The following NTMT1 variants were observed in gnomAD, a reference collection of about 807,000 sequenced individuals.
NTMT1 encodes N-terminal Xaa-Pro-Lys N-methyltransferase 1, also known as N-terminal RCC1 methyltransferase.
Under a neutral mutation model 17.5 loss-of-function variants are expected in NTMT1, and 8 were observed. The ratio of observed to expected loss-of-function variants is 0.46; its 90% CI spans 0.27 to 0.82. The LOEUF is 0.82. Among genes scored for constraint, NTMT1 ranks in the 40% least tolerant of loss-of-function variants. NTMT1 has a pLI of 0.15. For synonymous variants in NTMT1, 128 were observed against 126.8 expected, an observed-to-expected ratio of 1.01 and a Z score of -0.06; for missense variants, 221 against 303.5, an observed-to-expected ratio of 0.73 and a Z score of 2.02.
chr9:129,628,628 T>A (rs917975274), intron 1 of NTMT1: 2 of 152,228 alleles, frequency 1.3e-5, no homozygotes, highest in Non-Finnish European at 2.9e-5. Flanking sequence ...CCACCTGGTA[T>A]CAGGCACTGG....
At chr9:129,617,537 T>C (rs1394289086) in intron 1 of NTMT1, among the ~76,000 whole-genome samples, 1 of 152,252 alleles carries the variant, frequency 6.6e-6, no homozygotes, top group Non-Finnish European at 1.5e-5. Context: ...TGTGAAAGTC[T>C]GTAACTGTGT....
rs746856775 is a variant in NTMT1 at position 129,613,540 on chromosome 9, A to G, written c.-55+4362A>G. ...CAGCCGTTTTCCGACACTCCCAAAC[A>G]CCCGCTCGGACGCCACTGGCAGGGC... On this transcript the variant is annotated intron_variant, in intron 1 of 3. Coordinates refer to the NTMT1 transcript ENST00000372486. The surrounding 1 kb of genome is among the most constrained non-coding windows in gnomAD (Gnocchi z 6.2). 6 of 1,613,674 alleles carry G rather than the reference A, an allele frequency of 3.7e-6. No homozygotes were observed. The Admixed American group carries it at 1.0e-4, about 27-fold the overall frequency.
At chr9:129,624,411 A>C (rs1201572168), upstream of NTMT1, among the ~76,000 whole-genome samples, 1 of 152,194 alleles carries the variant, frequency 6.6e-6, no homozygotes, top group Non-Finnish European at 1.5e-5. Flanking sequence ...CAGAAAATGA[A>C]GCTTGGGAGA....
intron 1 of NTMT1, chr9:129,615,607 G>T: frequency 6.2e-7 from 1 of 1,601,160 alleles, no homozygotes. Flanking sequence ...TTGTGGGTCA[G>T]CGCAGCCTTG....
intron 1 of NTMT1, chr9:129,619,556 T>C (rs1475320266): frequency 8.1e-6 from 13 of 1,614,086 alleles, no homozygotes; most frequent in Non-Finnish European, 1.1e-5. Context: ...TTGTGAGTGA[T>C]CACCCTTCAG....
At position 129,626,245 on chromosome 9, in the gene NTMT1, CCCTT is replaced by C. The variant is rs1373602261; in HGVS notation, c.-101_-98del. The stretch of plus-strand genomic sequence containing the variant: ...GTGGCGTCTCCGCCGCCGCCGCCCT[CCCTT>C]CCTCTTCCCCATCTTCTTCTCTCGG... On this transcript the variant is annotated 5_prime_UTR_variant, in exon 1 of 4. Coordinates refer to ENST00000372483, the MANE Select transcript of NTMT1 (RefSeq NM_014064.4). 6.6e-6 allele frequency: 1 copy of C among 152,230 alleles called. No homozygotes were observed. The highest frequency in any genetic ancestry group is 1.5e-5 in the Non-Finnish European group (1 of 68,074). The allele number at this position is 152,230 out of a possible 1,614,324, so 9.4% of individuals were successfully genotyped here.
upstream of NTMT1, among the ~76,000 whole-genome samples, chr9:129,625,295 C>T (rs1057304113): frequency 6.6e-6 from 1 of 152,160 alleles, no homozygotes; most frequent in Non-Finnish European, 1.5e-5. Context: ...CAGTGGGAAT[C>T]CCATGGCACT....
At chr9:129,616,614 T>C (rs950652652) in intron 1 of NTMT1, among the ~76,000 whole-genome samples, 2 of 152,030 alleles carry the variant, frequency 1.3e-5, no homozygotes, top group African/African-American at 4.8e-5. Flanking sequence ...ATTCTGCAGG[T>C]TTTTTTCCCT....
At chr9:129,631,219 C>T (rs1414921027) in intron 1 of NTMT1, among the ~76,000 whole-genome samples, 2 of 152,212 alleles carry the variant, frequency 1.3e-5, no homozygotes, top group Admixed American at 6.5e-5. Flanking sequence ...TGAGTGTCCT[C>T]GACACTTTGT....
chr9:129,620,169 G>C lies in NTMT1; in HGVS notation c.-55+10991G>C, dbSNP rs1564339122. 1 of 1,460,828 alleles carries C rather than the reference G, an allele frequency of 6.8e-7. No homozygotes were observed. Among genetic ancestry groups the C allele is most frequent in the African/African-American group, 1.4e-5 (1 of 69,806 alleles). 90.5% of individuals were successfully genotyped at this position (1,460,828 alleles called of 1,614,324 possible). A position where few individuals can be genotyped will look rare whatever the true frequency, so the allele number is the denominator to read the frequency against. On this transcript the variant is annotated intron_variant, in intron 1 of 3. Coordinates refer to the NTMT1 transcript ENST00000372486. The surrounding 1 kb of genome is among the most constrained non-coding windows in gnomAD (Gnocchi z 5.8). ...CCTAGGAAGGCGCCCAAGAAGTCGG[G>C]GTCCTCCCTGGCCACGCGCCTCCGG...
intron 1 of NTMT1, among the ~76,000 whole-genome samples, chr9:129,630,774 C>T (rs1831123118): frequency 6.6e-6 from 1 of 152,266 alleles, no homozygotes; most frequent in African/African-American, 2.4e-5. Flanking sequence ...CGGTGAGCTG[C>T]AGCTCCCAGT....
intron 1 of NTMT1, 68 bp from the exon 2 acceptor site, chr9:129,632,582 G>A (rs1326279551): frequency 6.2e-6 from 7 of 1,135,256 alleles, no homozygotes; most frequent in Admixed American, 2.3e-5. Flanking sequence ...TGTGAGACTG[G>A]CCCTCTGCCC....
At chr9:129,623,489 G>C (rs572496658), upstream of NTMT1, among the ~76,000 whole-genome samples, 1 of 152,326 alleles carries the variant, frequency 6.6e-6, no homozygotes, top group East Asian at 1.9e-4. Flanking sequence ...GGCTGGGAGA[G>C]GGCCGAGAGG....
intron 1 of NTMT1, among the ~76,000 whole-genome samples, chr9:129,618,452 G>A (rs1357403437): frequency 1.3e-5 from 2 of 152,056 alleles, no homozygotes; most frequent in Non-Finnish European, 2.9e-5. Context: ...ACTGATGGGT[G>A]AGTTAATGAA....
Position 129,620,491 on chromosome 9 carries a change from G to C in NTMT1, c.-55+11313G>C. On this transcript the variant is annotated intron_variant, in intron 1 of 3. Coordinates refer to the NTMT1 transcript ENST00000372486. The surrounding 1 kb of genome is among the most constrained non-coding windows in gnomAD (Gnocchi z 5.8). Reference sequence around the variant, plus strand: ...GGGTCAGCTTGGGCAGCCGCGGGTCGCTGCTGCGTCGGAAGTCTCCGTCGC... The same window carrying C: ...GGGTCAGCTTGGGCAGCCGCGGGTCCCTGCTGCGTCGGAAGTCTCCGTCGC... 2 of 1,403,638 alleles carry C rather than the reference G, an allele frequency of 1.4e-6. No homozygotes were observed. 86.9% of individuals were successfully genotyped at this position (1,403,638 alleles called of 1,614,324 possible). A position where few individuals can be genotyped will look rare whatever the true frequency, so the allele number is the denominator to read the frequency against.
In NTMT1 at chr9:129,613,374, C is replaced by A; in HGVS notation, c.-55+4196C>A. The stretch of plus-strand genomic sequence containing the variant: ...GCTGCTGGGTGGGGAGGTCTGTAGG[C>A]AAGGGGGGTGGAGGGCCCTGGCAAT... On this transcript the variant is annotated intron_variant, in intron 1 of 3. Coordinates refer to the NTMT1 transcript ENST00000372486. The surrounding 1 kb of genome is among the most constrained non-coding windows in gnomAD (Gnocchi z 6.2). 6.3e-7 allele frequency: 1 copy of A among 1,594,284 alleles called. No individual in the cohort carries two copies. The highest frequency in any genetic ancestry group is 8.6e-7 in the Non-Finnish European group (1 of 1,168,130).
intron 1 of NTMT1, 56 bp from the exon 2 acceptor site, chr9:129,632,594 G>A (rs1831226795): frequency 6.8e-6 from 9 of 1,314,542 alleles, no homozygotes; most frequent in African/African-American, 1.4e-5. Context: ...CCTCTGCCCT[G>A]GGGGCCTTTC....
intron 1 of NTMT1, among the ~76,000 whole-genome samples, chr9:129,629,517 A>G (rs1831047770): frequency 1.3e-5 from 2 of 151,560 alleles, no homozygotes; most frequent in Admixed American, 6.6e-5. Context: ...CAGTCTCCCT[A>G]GTAGCTACTA....
At position 129,620,488 on chromosome 9, in the gene NTMT1, G is replaced by C. The variant is rs1588125740; in HGVS notation, c.-55+11310G>C. 7.1e-7 allele frequency: 1 copy of C among 1,398,726 alleles called. No homozygotes were observed. The highest frequency in any genetic ancestry group is 9.3e-7 in the Non-Finnish European group (1 of 1,072,452). The allele number at this position is 1,398,726 out of a possible 1,614,324, so 86.6% of individuals were successfully genotyped here. On this transcript the variant is annotated intron_variant, in intron 1 of 3. Transcript: ENST00000372486. This position sits in a 1 kb window ranked among gnomAD's most constrained non-coding sequence, Gnocchi z 5.8. ...GCGGGGTCAGCTTGGGCAGCCGCGGGTCGCTGCTGCGTCGGAAGTCTCCGT... is the reference window on the plus strand; with the variant it reads ...GCGGGGTCAGCTTGGGCAGCCGCGGCTCGCTGCTGCGTCGGAAGTCTCCGT...
Sources: allele counts gnomAD v4.1 joint callset (sites outside exome capture counted in the v4.1 genomes callset), GRCh38; gene constraint gnomAD v4.1.1; non-coding constraint Gnocchi (gnomAD v3.1); transcripts MANE v1.5; gene names NCBI Gene and HGNC (gene_info 2026-07-23, HGNC 2026-07-21).